CALN1: variants seen among roughly 807,000 people sequenced by gnomAD.
The protein encoded by CALN1 is calneuron 1, also known as calcium-binding protein 8.
Under a neutral mutation model 30.6 loss-of-function variants are expected in CALN1, and 17 were observed. The observed-to-expected ratio is 0.56, with a 90% CI of 0.38 to 0.83. CALN1 has a LOEUF of 0.83. CALN1 is among the 40% of genes least tolerant of loss of function. The pLI is 0.00. For missense variants in CALN1, 291 were observed against 354.9 expected (o/e 0.82, Z 1.45); for synonymous variants, 156 against 131.4 (o/e 1.19, Z -1.28).
intron 5 of CALN1, among the ~76,000 whole-genome samples, chr7:71,965,154 A>T (rs913678376): frequency 2.6e-5 from 4 of 152,002 alleles, no homozygotes; most frequent in African/African-American, 9.7e-5. Context: ...CCACCTTCCA[A>T]GTAGCTGAGA....
intron 3 of CALN1, among the ~76,000 whole-genome samples, chr7:72,133,296 A>C (rs1809286338): frequency 6.6e-6 from 1 of 152,354 alleles, no homozygotes; most frequent in Non-Finnish European, 1.5e-5. Context: ...GATTATGCCA[A>C]AAGGATTTAA....
At chr7:71,940,290 T>C (rs7780350) in intron 5 of CALN1, among the ~76,000 whole-genome samples, 34,189 of 152,164 alleles carry the variant, frequency 0.22, 3,969 homozygotes, top group East Asian at 0.48. Context: ...AGGTGAAATT[T>C]CATGCAATCT....
intron 3 of CALN1, among the ~76,000 whole-genome samples, chr7:72,113,541 C>A: frequency 6.6e-6 from 1 of 152,368 alleles, no homozygotes; most frequent in South Asian, 2.1e-4. Context: ...TGGGCCTTCA[C>A]AGCCATCTGG....
intron 5 of CALN1, among the ~76,000 whole-genome samples, chr7:71,882,009 G>A (rs760431727): frequency 6.6e-6 from 1 of 152,108 alleles, no homozygotes; most frequent in Non-Finnish European, 1.5e-5. Flanking sequence ...GGAGTTAGAG[G>A]CTACAGTGAG....
chr7:72,294,871 T>G (rs2129555193), intron 2 of CALN1, among the ~76,000 whole-genome samples: 1 of 152,046 alleles, frequency 6.6e-6, no homozygotes, highest in South Asian at 2.1e-4. Context: ...AAAAAGGATA[T>G]GAAGAAAAGT....
chr7:72,173,898 C>CA (rs144610802), intron 3 of CALN1, among the ~76,000 whole-genome samples: 38,322 of 151,550 alleles, frequency 0.25, 5,843 homozygotes, highest in Non-Finnish European at 0.35. Context: ...AGATAGCACA[C>CA]AAAAAGTATG....
chr7:72,072,018 A>T (rs1321242884), intron 4 of CALN1, among the ~76,000 whole-genome samples: 2 of 152,188 alleles, frequency 1.3e-5, no homozygotes, highest in Non-Finnish European at 2.9e-5. Flanking sequence ...AAGCAAACAG[A>T]ACATAAAGTA....
the CALN1 span, among the ~76,000 whole-genome samples, chr7:72,487,351 G>A: frequency 6.6e-6 from 1 of 152,004 alleles, no homozygotes; most frequent in Admixed American, 6.6e-5. Context: ...GCTTGTGGGT[G>A]TTGAGACCAG....
intron 2 of CALN1, among the ~76,000 whole-genome samples, chr7:72,354,496 AT>A (rs1803111374): frequency 2.0e-5 from 3 of 152,150 alleles, no homozygotes; most frequent in African/African-American, 7.2e-5. Flanking sequence ...AGCCAAAACC[AT>A]TTTTTCAGAG....
intron 3 of CALN1, among the ~76,000 whole-genome samples, chr7:72,268,793 CCACA>C (rs3032247): frequency 3.4e-4 from 50 of 145,924 alleles, no homozygotes; most frequent in Admixed American, 1.8e-3. Context: ...CAAGACCCTG[CCACA>C]CACACACACA....
intron 2 of CALN1, among the ~76,000 whole-genome samples, chr7:72,368,773 T>C (rs947356192): frequency 2.6e-5 from 4 of 151,308 alleles, no homozygotes; most frequent in Non-Finnish European, 5.9e-5. Context: ...GTGAAATTTC[T>C]GCTGATTTCA....
intron 1 of CALN1, among the ~76,000 whole-genome samples, chr7:72,408,270 TAAAAAAAA>T (rs34402288): frequency 1.5e-5 from 2 of 129,448 alleles, no homozygotes; most frequent in Admixed American, 7.8e-5. Flanking sequence ...CCATCTCTAT[TAAAAAAAA>T]AAAAAAAAAA....
At chr7:72,243,760 CTG>C (rs1331697331) in intron 3 of CALN1, among the ~76,000 whole-genome samples, 4 of 152,314 alleles carry the variant, frequency 2.6e-5, no homozygotes, top group East Asian at 1.9e-4. Context: ...ATAGAACTAA[CTG>C]TGAGTCCTCA....
chr7:72,030,014 A>G (rs886165808), intron 4 of CALN1, among the ~76,000 whole-genome samples: 6 of 152,160 alleles, frequency 3.9e-5, no homozygotes, highest in African/African-American at 1.4e-4. Context: ...GCAAATGGAA[A>G]TTGTCTAAAC....
At chr7:72,157,306 A>G (rs1214366296) in intron 3 of CALN1, among the ~76,000 whole-genome samples, 3 of 152,232 alleles carry the variant, frequency 2.0e-5, no homozygotes, top group Non-Finnish European at 2.9e-5. Flanking sequence ...CTAGGAAGAT[A>G]GACAAGTACC....
At chr7:72,175,829 T>C (rs1411255243) in intron 3 of CALN1, among the ~76,000 whole-genome samples, 1 of 151,954 alleles carries the variant, frequency 6.6e-6, no homozygotes, top group Non-Finnish European at 1.5e-5. Flanking sequence ...ATAAAACAGC[T>C]CAGGCACAGA....
At chr7:72,086,538 A>G (rs118157164) in intron 4 of CALN1, among the ~76,000 whole-genome samples, 2 of 151,876 alleles carry the variant, frequency 1.3e-5, no homozygotes, top group Non-Finnish European at 2.9e-5. Context: ...AGTTCAAGCG[A>G]TTCTCCCACC....
chr7:71,878,461 C>A (rs1792378573), intron 5 of CALN1, among the ~76,000 whole-genome samples: 2 of 151,818 alleles, frequency 1.3e-5, no homozygotes, highest in African/African-American at 4.8e-5. Flanking sequence ...TTCTCATGGA[C>A]CAGCTGGGCC....
chr7:71,981,735 G>A (rs766723313), intron 5 of CALN1, among the ~76,000 whole-genome samples: 2 of 151,962 alleles, frequency 1.3e-5, no homozygotes, highest in African/African-American at 2.4e-5. Context: ...TGAACACGTG[G>A]AAGTTCCTGG....
Sources: allele counts gnomAD v4.1 joint callset (sites outside exome capture counted in the v4.1 genomes callset), GRCh38; gene constraint gnomAD v4.1.1; transcripts MANE v1.5; gene names NCBI Gene and HGNC (gene_info 2026-07-23, HGNC 2026-07-21).